Variants in KIF2A observed in about 807,000 individuals in gnomAD.
KIF2A encodes the protein kinesin-like protein KIF2A.
In KIF2A, 22 loss-of-function variants were observed where a neutral mutation model predicts 100.2. The ratio of observed to expected loss-of-function variants is 0.22; its 90% CI spans 0.16 to 0.31. KIF2A has a LOEUF of 0.31. Among genes scored for constraint, KIF2A ranks in the 10% least tolerant of loss-of-function variants. The pLI, the probability that KIF2A is intolerant of heterozygous loss-of-function variation, is 1.00. For synonymous variants in KIF2A, 268 were observed against 285.9 expected, an observed-to-expected ratio of 0.94 and a Z score of 0.63; for missense variants, 495 against 898.7, an observed-to-expected ratio of 0.55 and a Z score of 5.74.
chr5:62,306,619 A>G (rs1028403607), intron 1 of KIF2A, 83 bp downstream of exon 1: 2 of 1,131,546 alleles, frequency 1.8e-6, no homozygotes, highest in African/African-American at 1.6e-5. Context: ...CGGCCGCCTC[A>G]TTGATTGCTT....
intron 15 of KIF2A, among the ~76,000 whole-genome samples, chr5:62,365,555 T>C (rs1444895508): frequency 6.6e-6 from 1 of 152,204 alleles, no homozygotes; most frequent in Non-Finnish European, 1.5e-5. Flanking sequence ...CTAGGTGTTA[T>C]TGAGGGCTGG....
chr5:62,309,016 T>G (rs1745440886), intron 1 of KIF2A, among the ~76,000 whole-genome samples: 1 of 152,216 alleles, frequency 6.6e-6, no homozygotes, highest in South Asian at 2.1e-4. Flanking sequence ...TGAAATTTAT[T>G]TTTTAAAAAA....
intron 16 of KIF2A, among the ~76,000 whole-genome samples, chr5:62,370,374 G>C (rs1237207430): frequency 1.3e-5 from 2 of 152,044 alleles, no homozygotes; most frequent in African/African-American, 4.8e-5. Flanking sequence ...GCTCACTGCA[G>C]CCTCTGACTC....
intron 3 of KIF2A, 127 bp from the exon 4 acceptor site, chr5:62,349,939 T>C: frequency 8.2e-6 from 5 of 610,558 alleles, no homozygotes. Flanking sequence ...AAGATTATAG[T>C]TTTTCTTCAT....
chr5:62,383,391 C>T (rs1015618181), intron 20 of KIF2A, among the ~76,000 whole-genome samples: 8 of 151,538 alleles, frequency 5.3e-5, no homozygotes, highest in South Asian at 4.2e-4. Flanking sequence ...TACAGGCGCC[C>T]GCCACCACGC....
At chr5:62,382,614 T>G (rs1225102675) in intron 20 of KIF2A, among the ~76,000 whole-genome samples, 1 of 151,546 alleles carries the variant, frequency 6.6e-6, no homozygotes, top group Admixed American at 6.6e-5. Context: ...TTGGGATTTT[T>G]GGAACACTTC....
intron 18 of KIF2A, among the ~76,000 whole-genome samples, chr5:62,374,847 A>G (rs1741473680): frequency 6.6e-6 from 1 of 152,136 alleles, no homozygotes; most frequent in African/African-American, 2.4e-5. Flanking sequence ...AAATCGCTTG[A>G]AACTGGGAGG....
chr5:62,385,638 G>C lies in KIF2A; in HGVS notation c.*69G>C, dbSNP rs1327019729. The C allele has an allele frequency of 1.8e-6, 2 of 1,094,260 alleles. No individual in the cohort carries two copies. The highest frequency in any genetic ancestry group is 2.7e-6 in the Non-Finnish European group (2 of 744,114). 67.8% of individuals were successfully genotyped at this position (1,094,260 alleles called of 1,614,324 possible). Reference sequence around the variant, plus strand: ...TAACATACAACGGTTCAGCTGTAAGGGCCATTTGAAAGTTTGGAATTTTAA... The same window carrying C: ...TAACATACAACGGTTCAGCTGTAAGCGCCATTTGAAAGTTTGGAATTTTAA... On this transcript the variant is annotated 3_prime_UTR_variant, in exon 21 of 21. Coordinates refer to ENST00000407818, the MANE Select transcript of KIF2A (RefSeq NM_001098511.3).
At chr5:62,369,159 C>T (rs1277309355) in intron 16 of KIF2A, among the ~76,000 whole-genome samples, 8 of 152,218 alleles carry the variant, frequency 5.3e-5, no homozygotes, top group Admixed American at 3.9e-4. Context: ...TTTTAACCTA[C>T]TGTTATATCA....
chr5:62,365,956 C>T (rs1297928391), intron 15 of KIF2A, among the ~76,000 whole-genome samples: 1 of 152,132 alleles, frequency 6.6e-6, no homozygotes, highest in Non-Finnish European at 1.5e-5. Context: ...CTCTGCAGCA[C>T]TTTCCCTTCT....
At chr5:62,376,660 A>T (rs1741563519) in intron 18 of KIF2A, among the ~76,000 whole-genome samples, 1 of 151,960 alleles carries the variant, frequency 6.6e-6, no homozygotes, top group African/African-American at 2.4e-5. Context: ...ACCTCAAGTG[A>T]TCCGCCCGCC....
At chr5:62,342,044 T>C (rs1244857558) in intron 1 of KIF2A, among the ~76,000 whole-genome samples, 1 of 152,258 alleles carries the variant, frequency 6.6e-6, no homozygotes, top group Admixed American at 6.5e-5. Flanking sequence ...TTCCTTAGGC[T>C]GAAATATTTC....
At chr5:62,349,632 C>A (rs570017399) in intron 3 of KIF2A, among the ~76,000 whole-genome samples, 2 of 152,264 alleles carry the variant, frequency 1.3e-5, no homozygotes, top group Admixed American at 1.3e-4. Flanking sequence ...TTATAGTATT[C>A]TGATATTTCA....
chr5:62,366,716 A>G (rs1162965668), intron 16 of KIF2A, among the ~76,000 whole-genome samples: 1 of 151,970 alleles, frequency 6.6e-6, no homozygotes, highest in Non-Finnish European at 1.5e-5. Flanking sequence ...CTGTAGTCCC[A>G]GCTACTCGGG....
intron 1 of KIF2A, among the ~76,000 whole-genome samples, chr5:62,328,711 C>T (rs1002466929): frequency 6.6e-6 from 1 of 152,086 alleles, no homozygotes; most frequent in African/African-American, 2.4e-5. Flanking sequence ...AGGGTGGTCT[C>T]AAACTCCCAA....
intron 3 of KIF2A, among the ~76,000 whole-genome samples, chr5:62,349,489 T>C (rs1747737565): frequency 6.6e-6 from 1 of 152,042 alleles, no homozygotes; most frequent in African/African-American, 2.4e-5. Context: ...ATTTGATATC[T>C]TTTTTTGAGG....
At chr5:62,367,087 A>G (rs1355047719) in intron 16 of KIF2A, among the ~76,000 whole-genome samples, 1 of 152,162 alleles carries the variant, frequency 6.6e-6, no homozygotes, top group Non-Finnish European at 1.5e-5. Flanking sequence ...AAATCATGCA[A>G]ATTCTTCTTA....
At chr5:62,319,719 C>T (rs754790785) in intron 1 of KIF2A, among the ~76,000 whole-genome samples, 8 of 152,182 alleles carry the variant, frequency 5.3e-5, no homozygotes, top group Non-Finnish European at 1.2e-4. Flanking sequence ...TTTTGACATT[C>T]TAAAAAATTG....
rs1228064541 is a variant in KIF2A at position 62,387,168 on chromosome 5, T to C, written c.*1599T>C. On this transcript the variant is annotated 3_prime_UTR_variant, in exon 21 of 21. Coordinates refer to ENST00000407818, the MANE Select transcript of KIF2A (RefSeq NM_001098511.3). ...TTTTCACAATATGCTTATTAATAAA[T>C]GAAGTCTATGGAATAAGTTTTAGAG... 6.6e-6 allele frequency: 1 copy of C among 152,178 alleles called. No individual in the cohort carries two copies. The highest frequency in any genetic ancestry group is 6.5e-5 in the Admixed American group (1 of 15,284). 9.4% of individuals were successfully genotyped at this position (152,178 alleles called of 1,614,324 possible). A position where few individuals can be genotyped will look rare whatever the true frequency, so the allele number is the denominator to read the frequency against.
Sources: gnomAD v4.1 joint callset for allele counts (sites outside exome capture counted in the v4.1 genomes callset) on GRCh38, gnomAD v4.1.1 for gene constraint, MANE v1.5 for transcripts, NCBI Gene and HGNC (gene_info 2026-07-23, HGNC 2026-07-21) for gene names.